THNSL2: variants seen among roughly 807,000 people sequenced by gnomAD.
THNSL2 encodes the protein threonine synthase-like 2.
A neutral mutation model predicts 40.0 loss-of-function variants in THNSL2; 34 were observed. That is an observed-to-expected ratio of 0.85 (90% CI 0.65 to 1.13). The LOEUF (loss-of-function observed/expected upper bound fraction) is 1.13. Ranked by LOEUF, THNSL2 falls within the 50% of genes most tolerant of loss-of-function variation. The pLI, the probability that THNSL2 is intolerant of heterozygous loss-of-function variation, is 0.00. For missense variants in THNSL2, 537 were observed against 608.8 expected, an observed-to-expected ratio of 0.88 and a Z score of 1.24; for synonymous variants, 241 against 247.5, an observed-to-expected ratio of 0.97 and a Z score of 0.25.
At chr2:88,182,603 C>A in intron 5 of THNSL2, 96 bp from the exon 6 acceptor site, 1 of 1,364,364 alleles carries the variant, frequency 7.3e-7, no homozygotes, top group Non-Finnish European at 9.6e-7. Flanking sequence ...CTTCAAAAAG[C>A]ACAAAAGTTT....
intron 5 of THNSL2, among the ~76,000 whole-genome samples, chr2:88,181,109 CTCCTCTCTCTCTCCTCTCTCTCCT>C (rs1677503686): frequency 7.5e-4 from 2 of 2,652 alleles, no homozygotes; most frequent in Admixed American, 3.4e-3. Flanking sequence ...TCTCCTCTCT[CTCCTCTCTCTCTCCTCTCTCTCCT>C]CTCTCTCTCC....
At chr2:88,181,723 A>G (rs983198987) in intron 5 of THNSL2, among the ~76,000 whole-genome samples, 6 of 152,158 alleles carry the variant, frequency 3.9e-5, no homozygotes, top group Non-Finnish European at 8.8e-5. Flanking sequence ...TGGAATGTTT[A>G]CATCACTCTA....
chr2:88,176,329 G>C (rs1182147558), intron 4 of THNSL2: 1 of 152,212 alleles, frequency 6.6e-6, no homozygotes, highest in East Asian at 1.9e-4. Flanking sequence ...ATTCCTAATG[G>C]ATTTAATCAT....
chr2:88,186,190 G>A lies in THNSL2; in HGVS notation c.*67G>A. 6.9e-7 allele frequency: 1 copy of A among 1,456,236 alleles called. No individual in the cohort carries two copies. The highest frequency in any genetic ancestry group is 9.4e-7 in the Non-Finnish European group (1 of 1,062,758). The allele number at this position is 1,456,236 out of a possible 1,614,324, so 90.2% of individuals were successfully genotyped here. ...AGATGCACCTTCTGAGCTGCCTTGT[G>A]CACCCTCCCCATTAAGCGTAGGTTA... is the stretch of plus-strand genomic sequence containing the variant. On this transcript the variant is annotated 3_prime_UTR_variant, in exon 9 of 9. Coordinates refer to ENST00000674334, the MANE Select transcript of THNSL2 (RefSeq NM_018271.5).
intron 7 of THNSL2, chr2:88,183,314 CT>C (rs766015586): frequency 9.2e-6 from 4 of 436,472 alleles, no homozygotes; most frequent in Admixed American, 3.9e-5. Flanking sequence ...GGCTAGTTTC[CT>C]AAACTCTGTG....
chr2:88,175,254 T>C lies in THNSL2; in HGVS notation c.424T>C (p.Ser142Pro). ...TCTCCTTTCTTCCCATCCAGGAACA[T>C]CTGGGGACACAGGAAGTGCTGCCAT... ...EKHVTVVVGT[S>P]GDTGSAAIES... The change falls in exon 4 of 9, where the codon TCT becomes CCT. Residue 142 changes from serine (S) to proline (P), a missense_variant. Ser to Pro is a moderately conservative substitution (Grantham distance 74). Transcript: ENST00000674334. 1 of 1,614,086 alleles carries C rather than the reference T, an allele frequency of 6.2e-7. No homozygotes were observed. Among genetic ancestry groups the C allele is most frequent in the Non-Finnish European group, 8.5e-7 (1 of 1,179,970 alleles).
intron 4 of THNSL2, chr2:88,175,966 T>C (rs1244009309): frequency 6.5e-6 from 1 of 152,856 alleles, no homozygotes; most frequent in African/African-American, 2.4e-5. Flanking sequence ...GGCATGGTGA[T>C]GTGCTTCTGT....
chr2:88,177,244 T>A (rs1402307231), intron 4 of THNSL2: 1 of 152,234 alleles, frequency 6.6e-6, no homozygotes, highest in Non-Finnish European at 1.5e-5. Context: ...ACTATTCAGA[T>A]CCTTTCTTTC....
chr2:88,182,983 C>T lies in THNSL2; in HGVS notation c.987C>T (p.Leu329=). Residue 329 remains leucine, a synonymous_variant, in exon 7 of 9, where the codon CTC becomes CTT. Transcript: ENST00000674334. Reference sequence around the variant, plus strand: ...ACATGGAGAGGGTGTTCTGGCTGCTCTCTGGCTCTGACAGCCAGGTGACAA... The same window carrying T: ...ACATGGAGAGGGTGTTCTGGCTGCTTTCTGGCTCTGACAGCCAGGTGACAA... The part of the protein sequence containing the change: ...PYNMERVFWL[L]SGSDSQVTRA... The T allele has an allele frequency of 6.2e-7, 1 of 1,614,150 alleles. No homozygotes were observed. The highest frequency in any genetic ancestry group is 8.5e-7 in the Non-Finnish European group (1 of 1,180,038).
intron 3 of THNSL2, 91 bp from the exon 4 acceptor site, chr2:88,175,158 T>A: frequency 3.6e-6 from 5 of 1,371,876 alleles, no homozygotes; most frequent in Non-Finnish European, 5.0e-6. Context: ...TAGATGTTGC[T>A]ATATTTGACA....
chr2:88,177,125 A>C (rs1303861686), intron 4 of THNSL2: 1 of 152,218 alleles, frequency 6.6e-6, no homozygotes, highest in Non-Finnish European at 1.5e-5. Flanking sequence ...GAATGCAATA[A>C]ATCATTAAAT....
rs149479181 is a variant in THNSL2 at position 88,174,817 on chromosome 2, C to T, written c.402C>T (p.His134=). 1.1e-5 allele frequency: 17 copies of T among 1,614,086 alleles called. No individual in the cohort carries two copies. In the African/African-American group the frequency reaches 1.7e-4, roughly 16 times the overall value. Residue 134 remains histidine (H), a synonymous_variant, in exon 3 of 9, where the codon CAC becomes CAT. Transcript: ENST00000674334. ...LQYFLEKREK[H]VTVVVGTSGD... ...ACTTCCTGGAGAAGAGGGAGAAGCA[C>T]GTCACTGTGGTTGTAGGTGTGTTTT...
rs537871012 is a variant in THNSL2, at chr2:88,175,230, C to T, written c.419-19C>T. The T allele has an allele frequency of 6.2e-7, 1 of 1,610,824 alleles. No homozygotes were observed. The highest frequency in any genetic ancestry group is 2.2e-5 in the East Asian group (1 of 44,840). On this transcript the variant is annotated intron_variant, in intron 3 of 8. Coordinates refer to ENST00000674334, the MANE Select transcript of THNSL2 (RefSeq NM_018271.5). The stretch of plus-strand genomic sequence containing the variant: ...CCCTTTGTTCTAAAGGGGGAGAGTT[C>T]TCCTTTCTTCCCATCCAGGAACATC...
intron 4 of THNSL2, chr2:88,176,561 C>T (rs1676960888): frequency 6.6e-6 from 1 of 152,202 alleles, no homozygotes; most frequent in Non-Finnish European, 1.5e-5. Flanking sequence ...AGAGAATGTT[C>T]CTTCTACAAC....
rs1476405074 is a variant in THNSL2, at chr2:88,174,786, T to C, written c.371T>C (p.Leu124Pro). The C allele has an allele frequency of 6.2e-7, 1 of 1,614,224 alleles. No homozygotes were observed. The highest frequency in any genetic ancestry group is 8.5e-7 in the Non-Finnish European group (1 of 1,180,028). Reference protein sequence around the residue: ...DLSLSCTTQFLQYFLEKREKH... With the variant: ...DLSLSCTTQFPQYFLEKREKH... ...TCCCTGTCCTGCACAACACAGTTCC[T>C]GCAGTACTTCCTGGAGAAGAGGGAG... The change falls in exon 3 of 9, where the codon CTG (leucine) becomes CCG (proline). Residue 124 changes from leucine (L) to proline (P), a missense_variant. Leu to Pro is a moderately conservative substitution (Grantham distance 98). Coordinates refer to ENST00000674334, the MANE Select transcript of THNSL2 (RefSeq NM_018271.5).
rs1235145151 is a variant in THNSL2 at position 88,182,809 on chromosome 2, G to T, written c.913G>T (p.Ala305Ser). ...GCAGGGAGACTTCTCTCTCTCTGAG[G>T]CTGTTAAATCAACCTTGGCATCAGC... ...VQQGDFSLSEAVKSTLASAMD... is the reference protein window; with the variant it reads ...VQQGDFSLSESVKSTLASAMD... Residue 305 changes from alanine to serine, a missense_variant, in exon 6 of 9, where the codon GCT becomes TCT. Physicochemically the swap from Ala to Ser is moderately conservative, Grantham distance 99. Transcript: ENST00000674334. 1 of 1,614,034 alleles carries T rather than the reference G, an allele frequency of 6.2e-7. No individual in the cohort carries two copies. The highest frequency in any genetic ancestry group is 1.3e-5 in the African/African-American group (1 of 74,910).
At chr2:88,185,551 T>G in intron 8 of THNSL2, 72 bp downstream of exon 8, 2 of 1,553,808 alleles carry the variant, frequency 1.3e-6, no homozygotes, top group Non-Finnish European at 1.7e-6. Context: ...CTCCAAGCAG[T>G]GGGAGAGACA....
At chr2:88,185,181 T>C (rs1487587494) in intron 7 of THNSL2, 147 bp from the exon 8 acceptor site, 53 of 1,153,448 alleles carry the variant, frequency 4.6e-5, no homozygotes, top group Non-Finnish European at 5.9e-5. Context: ...GGCCAGATTT[T>C]TACTGTGAGC....
intron 4 of THNSL2, 31 bp from the exon 5 acceptor site, chr2:88,178,752 G>A: frequency 1.2e-6 from 2 of 1,612,938 alleles, no homozygotes; most frequent in Middle Eastern, 3.3e-4. Context: ...ACATGCTCCT[G>A]ACAGCTGCCC....
Sources: gnomAD v4.1 joint callset for allele counts (sites outside exome capture counted in the v4.1 genomes callset) on GRCh38, gnomAD v4.1.1 for gene constraint, MANE v1.5 for transcripts, NCBI Gene and HGNC (gene_info 2026-07-23, HGNC 2026-07-21) for gene names.